Variants in ANO2 observed in about 807,000 individuals in gnomAD.
ANO2 encodes anoctamin 2.
ANO2 carries 101 observed loss-of-function variants against 124.2 expected under a neutral mutation model. The ratio of observed to expected loss-of-function variants is 0.81; its 90% confidence interval spans 0.69 to 0.96. ANO2 has a LOEUF of 0.96. Ranked by LOEUF, ANO2 falls within the 40% of genes least tolerant of loss-of-function variation. The pLI is 0.00. For missense variants in ANO2, 1,293 were observed against 1,274.5 expected (o/e 1.01, Z -0.22); for synonymous variants, 486 against 482.5 (o/e 1.01, Z -0.09).
intron 7 of ANO2, among the ~76,000 whole-genome samples, chr12:5,812,698 GAAAGAAAAGAAGAAGA>G: frequency 7.5e-6 from 1 of 132,908 alleles, no homozygotes. Flanking sequence ...GAAAGAAAGA[GAAAGAAAAGAAGAAGA>G]AGGAAGGGAG....
At chr12:5,798,819 C>T (rs1340936494) in intron 10 of ANO2, among the ~76,000 whole-genome samples, 1 of 152,260 alleles carries the variant, frequency 6.6e-6, no homozygotes, top group Non-Finnish European at 1.5e-5. Flanking sequence ...AGTGCTGTCA[C>T]ACAGTGCTGC....
At chr12:5,568,521 A>T (rs1941918315) in intron 23 of ANO2, among the ~76,000 whole-genome samples, 1 of 152,046 alleles carries the variant, frequency 6.6e-6, no homozygotes, top group South Asian at 2.1e-4. Flanking sequence ...CAGGTAAATG[A>T]CTCGTTGTTT....
rs368861631 is a variant in ANO2, at chr12:5,924,654, G to C, written c.23-1850C>G. 3.9e-5 allele frequency among the ~76,000 whole-genome samples: 6 copies of C among 152,358 alleles called. No individual in the cohort carries two copies. The South Asian group carries it at 1.2e-3, about 32-fold the overall frequency. On this transcript the variant is annotated intron_variant, in intron 1 of 24. Coordinates refer to ENST00000682330, the MANE Select transcript of ANO2 (RefSeq NM_001364791.2). Reference sequence around the variant, plus strand: ...TTTTGTTCCTAAGCAGACAGCTACAGATAAAAGGCTAGATAGCTCCACAGG... The same window carrying C: ...TTTTGTTCCTAAGCAGACAGCTACACATAAAAGGCTAGATAGCTCCACAGG...
intron 7 of ANO2, among the ~76,000 whole-genome samples, chr12:5,818,659 C>A (rs1953690802): frequency 6.6e-6 from 1 of 151,154 alleles, no homozygotes; most frequent in South Asian, 2.1e-4. Flanking sequence ...TATGATTAGA[C>A]CCCAAAATGC....
chr12:5,682,340 TCTC>T (rs1948530461), intron 14 of ANO2, among the ~76,000 whole-genome samples: 4 of 59,728 alleles, frequency 6.7e-5, no homozygotes, highest in Admixed American at 5.4e-4. Flanking sequence ...TTTCTCTTTC[TCTC>T]TCTCTCTCTC....
chr12:5,919,361 G>C (rs1026435999), intron 3 of ANO2, among the ~76,000 whole-genome samples: 1 of 146,580 alleles, frequency 6.8e-6, no homozygotes, highest in African/African-American at 2.5e-5. Context: ...ACGGCACAAA[G>C]ACCTGAGGTC....
intron 1 of ANO2, among the ~76,000 whole-genome samples, chr12:5,933,427 G>T (rs577352084): frequency 1.3e-5 from 2 of 152,166 alleles, no homozygotes; most frequent in South Asian, 2.1e-4. Flanking sequence ...AACATAATTA[G>T]ATTACATTAG....
chr12:5,870,571 T>A (rs912580037), intron 3 of ANO2: 17 of 152,240 alleles, frequency 1.1e-4, no homozygotes, highest in African/African-American at 3.9e-4. Context: ...AAATGTACTT[T>A]GATGGGCTGC....
intron 14 of ANO2, among the ~76,000 whole-genome samples, chr12:5,691,770 G>C (rs373076036): frequency 9.9e-5 from 15 of 152,266 alleles, no homozygotes; most frequent in African/African-American, 2.9e-4. Context: ...AGGCATGGTG[G>C]TGCATGCCTG....
chr12:5,685,973 C>A (rs1258758571), intron 14 of ANO2, among the ~76,000 whole-genome samples: 2 of 152,170 alleles, frequency 1.3e-5, no homozygotes, highest in East Asian at 3.9e-4. Flanking sequence ...CCCTCAAGGG[C>A]AGAAGAGAGC....
chr12:5,943,086 C>A (rs920715318), intron 1 of ANO2, among the ~76,000 whole-genome samples: 2 of 152,096 alleles, frequency 1.3e-5, no homozygotes, highest in Non-Finnish European at 2.9e-5. Flanking sequence ...AAGTAGAACA[C>A]CATTAGATCC....
At chr12:5,796,637 G>A (rs1952870665) in intron 10 of ANO2, among the ~76,000 whole-genome samples, 1 of 152,198 alleles carries the variant, frequency 6.6e-6, no homozygotes, top group South Asian at 2.1e-4. Context: ...AGAGCCGTGC[G>A]GGGCTGGAGG....
At chr12:5,754,540 T>A (rs965849668) in intron 10 of ANO2, among the ~76,000 whole-genome samples, 2 of 152,186 alleles carry the variant, frequency 1.3e-5, no homozygotes, top group Middle Eastern at 3.2e-3. Flanking sequence ...AAACTATCTG[T>A]TCCTGGGCTT....
At chr12:5,729,314 C>G (rs1268027217) in intron 14 of ANO2, among the ~76,000 whole-genome samples, 2 of 151,998 alleles carry the variant, frequency 1.3e-5, no homozygotes, top group East Asian at 3.9e-4. Flanking sequence ...ACCTGATAAC[C>G]AAAAGCCAAT....
chr12:5,658,199 C>A lies in ANO2; in HGVS notation c.1546-10398G>T, dbSNP rs568499885. On this transcript the variant is annotated intron_variant, in intron 14 of 24. Coordinates refer to ENST00000682330, the MANE Select transcript of ANO2 (RefSeq NM_001364791.2). This position sits in a 1 kb window ranked among gnomAD's most constrained non-coding sequence, Gnocchi z 4.3. ...GCTTGCACGCTAATTGAACGTGTGA[C>A]TTCAGGCATGTTACCAACTTCTCTA... Among the ~76,000 whole-genome samples the A allele has an allele frequency of 4.2e-4, 64 of 152,278 alleles. No homozygotes were observed. The highest frequency in any genetic ancestry group is 1.5e-3 in the African/African-American group (63 of 41,562).
intron 14 of ANO2, among the ~76,000 whole-genome samples, chr12:5,680,362 A>G (rs1301793809): frequency 6.6e-6 from 1 of 152,228 alleles, no homozygotes; most frequent in Non-Finnish European, 1.5e-5. Context: ...GGGACCTACA[A>G]TTAAGAGGGA....
intron 14 of ANO2, among the ~76,000 whole-genome samples, chr12:5,668,622 G>A (rs144090236): frequency 1.3e-3 from 202 of 152,210 alleles, no homozygotes; most frequent in African/African-American, 4.8e-3. Context: ...ATCTTTGCCC[G>A]TGCCTATGTC....
chr12:5,805,931 T>C (rs1953176348), intron 9 of ANO2, 121 bp downstream of exon 9: 10 of 983,072 alleles, frequency 1.0e-5, no homozygotes, highest in South Asian at 9.1e-5. Context: ...GGGGAGCTGG[T>C]AAAATTGTTG....
At chr12:5,943,951 TGAG>T (rs1477008079) in intron 1 of ANO2, among the ~76,000 whole-genome samples, 1 of 152,130 alleles carries the variant, frequency 6.6e-6, no homozygotes, top group African/African-American at 2.4e-5. Flanking sequence ...GACTAGAACT[TGAG>T]GTGTGTGTTT....
Sources: allele counts gnomAD v4.1 joint callset (sites outside exome capture counted in the v4.1 genomes callset), GRCh38; gene constraint gnomAD v4.1.1; non-coding constraint Gnocchi (gnomAD v3.1); transcripts MANE v1.5; gene names NCBI Gene and HGNC (gene_info 2026-07-23, HGNC 2026-07-21).